MOCOS: variants seen among roughly 807,000 people sequenced by gnomAD.
MOCOS encodes the protein human molybdenum cofactor sulfurase.
A neutral mutation model predicts 83.6 loss-of-function variants in MOCOS; 86 were observed. That is an observed-to-expected ratio of 1.03 (90% CI 0.86 to 1.23). The LOEUF (loss-of-function observed/expected upper bound fraction) is 1.23. Among genes scored for constraint, MOCOS ranks in the 50% most tolerant of loss-of-function variants. MOCOS has a pLI of 0.00. For synonymous variants in MOCOS, 445 were observed against 434.7 expected (o/e 1.02, Z -0.29); for missense variants, 1,120 against 1,126.9 (o/e 0.99, Z 0.09).
intron 9 of MOCOS, among the ~76,000 whole-genome samples, chr18:36,244,696 G>A (rs548491927): frequency 9.9e-5 from 15 of 152,210 alleles, no homozygotes; most frequent in African/African-American, 3.4e-4. Flanking sequence ...TTGATGACCT[G>A]TCTAATGCTG....
intron 1 of MOCOS, among the ~76,000 whole-genome samples, chr18:36,193,540 A>G (rs1293040429): frequency 1.3e-5 from 2 of 152,132 alleles, no homozygotes; most frequent in Non-Finnish European, 2.9e-5. Flanking sequence ...TCAACATGCA[A>G]AAGAACGAAC....
At chr18:36,208,827 A>G (rs1050132694) in intron 6 of MOCOS, among the ~76,000 whole-genome samples, 3 of 152,184 alleles carry the variant, frequency 2.0e-5, no homozygotes, top group Admixed American at 6.5e-5. Flanking sequence ...TTCCAGTATT[A>G]TGTTGAAAAG....
At chr18:36,254,488 G>GTA (rs2091633971) in intron 11 of MOCOS, among the ~76,000 whole-genome samples, 1 of 120,666 alleles carries the variant, frequency 8.3e-6, no homozygotes, top group African/African-American at 3.6e-5. Context: ...GTGTGTGTGT[G>GTA]TGTGTGTGTG....
At chr18:36,259,352 G>A (rs1216643635) in intron 12 of MOCOS, among the ~76,000 whole-genome samples, 1 of 150,824 alleles carries the variant, frequency 6.6e-6, no homozygotes, top group Non-Finnish European at 1.5e-5. Context: ...GGCTGAGGCA[G>A]GAGAATTACT....
At chr18:36,230,427 C>T (rs1490306855) in intron 9 of MOCOS, among the ~76,000 whole-genome samples, 2 of 152,288 alleles carry the variant, frequency 1.3e-5, no homozygotes, top group East Asian at 1.9e-4. Context: ...TCCTAGTCTT[C>T]ACCGACTGGC....
rs555022604 is a variant in MOCOS at position 36,252,958 on chromosome 18, A to T, written c.2164+1675A>T. ...AGGGGAATAGATTTATACTCATTTT[A>T]TTGAAGTTAGATGGTGGTGGTTGGG... On this transcript the variant is annotated intron_variant, in intron 11 of 14. Coordinates refer to ENST00000261326, the MANE Select transcript of MOCOS (RefSeq NM_017947.4). 2.6e-5 allele frequency among the ~76,000 whole-genome samples: 4 copies of T among 152,304 alleles called. No homozygotes were observed. In the South Asian group the frequency reaches 8.3e-4, roughly 32 times the overall value.
In MOCOS at chr18:36,215,704, T is replaced by C. The variant is rs2091473641; in HGVS notation, c.1524T>C (p.Thr508=). Reference sequence around the variant, plus strand: ...AGGCCCATGCTGACACCGGGGAGACTGGAGCCCCATCAGCAGACAGCCAGG... The same window carrying C: ...AGGCCCATGCTGACACCGGGGAGACCGGAGCCCCATCAGCAGACAGCCAGG... ...VPQAHADTGE[T]GAPSADSQAD... The change falls in exon 8 of 15, where the codon ACT becomes ACC. Residue 508 remains threonine, a synonymous_variant. Coordinates refer to ENST00000261326, the MANE Select transcript of MOCOS (RefSeq NM_017947.4). The C allele has an allele frequency of 6.2e-7, 1 of 1,614,218 alleles. No individual in the cohort carries two copies. Among genetic ancestry groups the C allele is most frequent in the Non-Finnish European group, 8.5e-7 (1 of 1,180,044 alleles).
chr18:36,213,004 C>T (rs2091460847), intron 6 of MOCOS, among the ~76,000 whole-genome samples: 2 of 152,148 alleles, frequency 1.3e-5, no homozygotes, highest in Admixed American at 1.3e-4. Context: ...GACTGAAAAG[C>T]AATTCTGTGA....
rs771741997 is a variant in MOCOS, at chr18:36,215,898, G to A, written c.1718G>A (p.Gly573Glu). 11 of 1,613,810 alleles carry A rather than the reference G, an allele frequency of 6.8e-6. No individual in the cohort carries two copies. The Admixed American group carries it at 1.0e-4, about 15-fold the overall frequency. The part of the protein sequence containing the change: ...TQPTPSEKAA[G>E]VLEGALGPHV... Reference sequence around the variant, plus strand: ...CCGACTCCTTCAGAGAAAGCTGCAGGAGTCCTGGAGGGGGCCCTTGGGCCA... The same window carrying A: ...CCGACTCCTTCAGAGAAAGCTGCAGAAGTCCTGGAGGGGGCCCTTGGGCCA... The change falls in exon 8 of 15, where the codon GGA (glycine) becomes GAA (glutamate). Residue 573 changes from glycine (G) to glutamate (E), a missense_variant. By Grantham distance (98) the Gly-to-Glu change is moderately conservative. Transcript: ENST00000261326.
intron 11 of MOCOS, among the ~76,000 whole-genome samples, chr18:36,253,520 G>A (rs534645408): frequency 6.6e-6 from 1 of 152,218 alleles, no homozygotes; most frequent in Non-Finnish European, 1.5e-5. Flanking sequence ...ACAAAAATTA[G>A]CCGGGCATGG....
chr18:36,202,441 A>C (rs1598872835), intron 4 of MOCOS, among the ~76,000 whole-genome samples: 2 of 152,158 alleles, frequency 1.3e-5, no homozygotes, highest in Middle Eastern at 3.4e-3. Flanking sequence ...TGATCCTCCC[A>C]CCTGGGCCTC....
chr18:36,220,313 C>T (rs751447156), intron 9 of MOCOS, 96 bp downstream of exon 9: 1 of 1,485,332 alleles, frequency 6.7e-7, no homozygotes, highest in Non-Finnish European at 9.2e-7. Flanking sequence ...ACCCATCAGC[C>T]TGGGCAATAC....
chr18:36,190,086 C>T (rs1441983047), intron 1 of MOCOS: 2 of 152,196 alleles, frequency 1.3e-5, no homozygotes, highest in African/African-American at 2.4e-5. Flanking sequence ...GGACCAAAAG[C>T]CAAAGCATCT....
chr18:36,239,172 T>G (rs1310020798), intron 9 of MOCOS, among the ~76,000 whole-genome samples: 5 of 152,056 alleles, frequency 3.3e-5, no homozygotes, highest in Non-Finnish European at 5.9e-5. Flanking sequence ...TTTGATCCTG[T>G]CATTATGATG....
Position 36,251,365 on chromosome 18 carries a change from T to A in MOCOS, c.2164+82T>A, listed in dbSNP as rs2091621281. On this transcript the variant is annotated intron_variant, in intron 11 of 14. Coordinates refer to ENST00000261326, the MANE Select transcript of MOCOS (RefSeq NM_017947.4). ...CATCAAAACAGCCCATGAACTGCAC[T>A]TACGGGTGACTTGCTGATGTATGGA... 6.5e-6 allele frequency: 10 copies of A among 1,544,710 alleles called. No individual in the cohort carries two copies. In the East Asian group the frequency reaches 2.3e-4, roughly 35 times the overall value.
chr18:36,215,846 C>T lies in MOCOS; in HGVS notation c.1666C>T (p.Pro556Ser), dbSNP rs777860868. 1.2e-6 allele frequency: 2 copies of T among 1,614,116 alleles called. No homozygotes were observed. Among genetic ancestry groups the T allele is most frequent in the South Asian group, 1.1e-5 (1 of 91,092 alleles). The change falls in exon 8 of 15, where the codon CCT becomes TCT. Residue 556 changes from proline (P) to serine (S), a missense_variant. By Grantham distance (74) the Pro-to-Ser change is moderately conservative. Transcript: ENST00000261326. ...STVNAVPVAP[P>S]VCDVARTQPT... ...TGTGAATGCTGTGCCTGTGGCCCCA[C>T]CTGTGTGTGATGTCGCCAGAACCCA...
intron 9 of MOCOS, among the ~76,000 whole-genome samples, chr18:36,232,102 T>G (rs1206111709): frequency 6.6e-6 from 1 of 152,000 alleles, no homozygotes; most frequent in African/African-American, 2.4e-5. Flanking sequence ...GCCTCCGGAG[T>G]AGCTGGGACC....
chr18:36,254,772 A>G (rs985116814), intron 11 of MOCOS, among the ~76,000 whole-genome samples: 1 of 152,058 alleles, frequency 6.6e-6, no homozygotes, highest in Admixed American at 6.6e-5. Flanking sequence ...CTACCCTATC[A>G]TACTTCTGTG....
chr18:36,215,734 T>C lies in MOCOS; in HGVS notation c.1554T>C (p.Asp518=). The C allele has an allele frequency of 6.2e-7, 1 of 1,614,216 alleles. No homozygotes were observed. Among genetic ancestry groups the C allele is most frequent in the Non-Finnish European group, 8.5e-7 (1 of 1,180,034 alleles). The change falls in exon 8 of 15, where the codon GAT becomes GAC. Residue 518 remains aspartate (D), a synonymous_variant. Coordinates refer to ENST00000261326, the MANE Select transcript of MOCOS (RefSeq NM_017947.4). ...CCCCATCAGCAGACAGCCAGGCTGA[T>C]GTTATACCTGCTGTCATGGGCAGAC... ...TGAPSADSQA[D]VIPAVMGRRS... is the part of the protein sequence containing the mutation.
Sources: gnomAD v4.1 joint callset for allele counts (sites outside exome capture counted in the v4.1 genomes callset) on GRCh38, gnomAD v4.1.1 for gene constraint, MANE v1.5 for transcripts, NCBI Gene and HGNC (gene_info 2026-07-23, HGNC 2026-07-21) for gene names.